The following ETFBKMT variants were observed in gnomAD, a reference collection of about 807,000 sequenced individuals.
The protein encoded by ETFBKMT is electron transfer flavoprotein subunit beta lysine methyltransferase, also known as electron transfer flavoprotein beta subunit lysine methyltransferase.
A neutral mutation model predicts 18.3 loss-of-function variants in ETFBKMT; 13 were observed. That is an observed-to-expected ratio of 0.71 (90% confidence interval 0.46 to 1.13). The LOEUF is 1.13. Ranked by LOEUF, ETFBKMT falls within the 50% of genes most tolerant of loss-of-function variation. The pLI, the probability that ETFBKMT is intolerant of heterozygous loss-of-function variation, is 0.00. For synonymous variants in ETFBKMT, 84 were observed against 107.9 expected (o/e 0.78, Z 1.37); for missense variants, 293 against 306.2 (o/e 0.96, Z 0.32).
chr12:31,653,204 G>A (rs1248367997), intron 1 of ETFBKMT, among the ~76,000 whole-genome samples: 36 of 122,128 alleles, frequency 2.9e-4, no homozygotes, highest in African/African-American at 1.0e-3. Context: ...GCGAGACTCC[G>A]TCTCAAAAAA....
upstream of ETFBKMT, among the ~76,000 whole-genome samples, chr12:31,658,926 C>CTTTTTTT: frequency 7.3e-6 from 1 of 137,288 alleles, no homozygotes; most frequent in Non-Finnish European, 1.6e-5. Context: ...TATACTGTGT[C>CTTTTTTT]TTTTTTTTTT....
In ETFBKMT at chr12:31,670,773, A is replaced by G. The variant is rs902096554; in HGVS notation, c.*2783A>G. On this transcript the variant is annotated 3_prime_UTR_variant, in exon 4 of 4. Transcript: ENST00000357721. ...CAATGAATATTTGAGTGCTTATTAT[A>G]TACCAGGCACTGTTCTAGGCACTGG... 6.6e-6 allele frequency: 1 copy of G among 152,102 alleles called. No individual in the cohort carries two copies. Among genetic ancestry groups the G allele is most frequent in the Admixed American group, 6.6e-5 (1 of 15,248 alleles). 9.4% of individuals were successfully genotyped at this position (152,102 alleles called of 1,614,324 possible). A position where few individuals can be genotyped will look rare whatever the true frequency, so the allele number is the denominator to read the frequency against.
chr12:31,648,493 C>A (rs1187741235), intron 1 of ETFBKMT, among the ~76,000 whole-genome samples: 1 of 150,204 alleles, frequency 6.7e-6, no homozygotes, highest in East Asian at 1.9e-4. Flanking sequence ...TCCTGAGTAG[C>A]CGGGATTATA....
upstream of ETFBKMT, among the ~76,000 whole-genome samples, chr12:31,658,419 T>C (rs566016102): frequency 6.6e-6 from 1 of 152,266 alleles, no homozygotes; most frequent in African/African-American, 2.4e-5. Context: ...ATGTAGCAAA[T>C]ACACCATTCA....
rs748565034 is a variant in ETFBKMT at position 31,667,777 on chromosome 12, T to C, written c.576T>C (p.Asp192=). 2 of 1,614,224 alleles carry C rather than the reference T, an allele frequency of 1.2e-6. No homozygotes were observed. The highest frequency in any genetic ancestry group is 1.7e-6 in the Non-Finnish European group (2 of 1,180,036). The change falls in exon 4 of 4, where the codon GAT becomes GAC. Residue 192 remains aspartate, a synonymous_variant. Coordinates refer to ENST00000357721, the MANE Select transcript of ETFBKMT (RefSeq NM_001135863.2). The part of the protein sequence containing the change: ...DLVVLGDMFY[D]EDLADSLHQW... ...TTGTTCTTGGCGATATGTTTTATGA[T>C]GAAGACCTTGCAGATAGTCTTCATC...
At chr12:31,648,360 G>GTT (rs35137084) in intron 1 of ETFBKMT, among the ~76,000 whole-genome samples, 20 of 117,848 alleles carry the variant, frequency 1.7e-4, no homozygotes, top group African/African-American at 5.1e-4. Flanking sequence ...GATGTAAATA[G>GTT]TTTTTTTTTT....
chr12:31,662,726 A>T (rs1951142494), intron 2 of ETFBKMT, among the ~76,000 whole-genome samples: 1 of 152,072 alleles, frequency 6.6e-6, no homozygotes, highest in South Asian at 2.1e-4. Context: ...CCCCAAGAGA[A>T]ATCCTAGAGT....
chr12:31,648,351 A>G (rs1950984331), intron 1 of ETFBKMT, among the ~76,000 whole-genome samples: 1 of 144,090 alleles, frequency 6.9e-6, no homozygotes, highest in East Asian at 2.0e-4. Flanking sequence ...GTTGAATATG[A>G]TGTAAATAGT....
intron 1 of ETFBKMT, among the ~76,000 whole-genome samples, chr12:31,650,093 T>C (rs550912699): frequency 2.1e-5 from 1 of 47,582 alleles, no homozygotes; most frequent in Non-Finnish European, 4.8e-5. Context: ...CCATCTCGAA[T>C]AGGGGCTGGT....
In ETFBKMT at chr12:31,670,598, C is replaced by G. The variant is rs1253401147; in HGVS notation, c.*2608C>G. The stretch of plus-strand genomic sequence containing the variant: ...CCTCCCACTTCAGCCTCCTTAGTAG[C>G]TAGGACTGTAGGCATGCACCACCAT... On this transcript the variant is annotated 3_prime_UTR_variant, in exon 4 of 4. Transcript: ENST00000357721. The G allele has an allele frequency of 6.6e-6, 1 of 152,168 alleles. No individual in the cohort carries two copies. The highest frequency in any genetic ancestry group is 1.5e-5 in the Non-Finnish European group (1 of 68,070). The allele number at this position is 152,168 out of a possible 1,614,324, so 9.4% of individuals were successfully genotyped here.
chr12:31,659,539 T>G (rs1227179504), upstream of ETFBKMT: 1 of 152,218 alleles, frequency 6.6e-6, no homozygotes, highest in Non-Finnish European at 1.5e-5. Flanking sequence ...TCATAACCCA[T>G]GCCTCATCGG....
At chr12:31,663,253 C>T (rs1416055432) in intron 2 of ETFBKMT, among the ~76,000 whole-genome samples, 6 of 152,152 alleles carry the variant, frequency 3.9e-5, no homozygotes, top group Middle Eastern at 3.4e-3. Flanking sequence ...CCACCATGCC[C>T]GGCTAATTTT....
intron 2 of ETFBKMT, among the ~76,000 whole-genome samples, chr12:31,665,163 C>G (rs1188434363): frequency 1.3e-5 from 2 of 152,124 alleles, no homozygotes; most frequent in Non-Finnish European, 2.9e-5. Context: ...TCTCGAACTC[C>G]TGACCTCAGG....
rs11551368 is a variant in ETFBKMT at position 31,672,186 on chromosome 12, G to C, written c.*4196G>C. ...TAATTCTCTGAGAGTTATAACTTAA[G>C]ACAATAAAATAATTAAAAATAGTGT... On this transcript the variant is annotated 3_prime_UTR_variant, in exon 4 of 4. Transcript: ENST00000357721. 0.12 allele frequency: 87,617 copies of C among 708,422 alleles called. 5,663 individuals are homozygous for C. The highest frequency in any genetic ancestry group is 0.13 in the Non-Finnish European group (53,498 of 413,404). 43.9% of individuals were successfully genotyped at this position (708,422 alleles called of 1,614,324 possible).
chr12:31,662,468 C>T (rs1467867868), intron 2 of ETFBKMT, among the ~76,000 whole-genome samples: 1 of 151,460 alleles, frequency 6.6e-6, no homozygotes, highest in South Asian at 2.1e-4. Flanking sequence ...CAGAAACCGG[C>T]AAAACTCAGT....
Position 31,669,289 on chromosome 12 carries a change from T to G in ETFBKMT, c.*1299T>G, listed in dbSNP as rs1467855497. The G allele has an allele frequency of 6.6e-6, 1 of 152,208 alleles. No individual in the cohort carries two copies. The highest frequency in any genetic ancestry group is 1.5e-5 in the Non-Finnish European group (1 of 68,036). The allele number at this position is 152,208 out of a possible 1,614,324, so 9.4% of individuals were successfully genotyped here. The stretch of plus-strand genomic sequence containing the variant: ...TTATACAGTAGCCTAACTGATGTGA[T>G]AAGGTATGGGAGAAGGTATGTTCTA... On this transcript the variant is annotated 3_prime_UTR_variant, in exon 4 of 4. Transcript: ENST00000357721.
upstream of ETFBKMT, among the ~76,000 whole-genome samples, chr12:31,656,006 A>C (rs925425357): frequency 2.6e-5 from 4 of 152,208 alleles, no homozygotes; most frequent in Admixed American, 1.3e-4. Context: ...AAATTTTTTA[A>C]ATGAGATACT....
chr12:31,662,066 G>A lies in ETFBKMT; in HGVS notation c.113G>A (p.Gly38Glu), dbSNP rs916911800. The change falls in exon 2 of 4, where the codon GGA (glycine) becomes GAA (glutamate). Residue 38 changes from glycine to glutamate, a missense_variant. Transcript: ENST00000357721. ...CCCTGTGGCCAGTGTCCCTGGAGAG[G>A]AGCTGGAAGCTTTTTGGACCCTGAG... is the stretch of plus-strand genomic sequence containing the variant. ...LFPCGQCPWR[G>E]AGSFLDPEIK... 6.2e-7 allele frequency: 1 copy of A among 1,614,240 alleles called. No homozygotes were observed. The highest frequency in any genetic ancestry group is 8.5e-7 in the Non-Finnish European group (1 of 1,180,042).
Position 31,672,394 on chromosome 12 carries a change from T to C in ETFBKMT, c.*4404T>C. 1 of 1,519,138 alleles carries C rather than the reference T, an allele frequency of 6.6e-7. No individual in the cohort carries two copies. The highest frequency in any genetic ancestry group is 9.0e-7 in the Non-Finnish European group (1 of 1,114,528). 94.1% of individuals were successfully genotyped at this position (1,519,138 alleles called of 1,614,324 possible). On this transcript the variant is annotated 3_prime_UTR_variant, in exon 4 of 4. Coordinates refer to ENST00000357721, the MANE Select transcript of ETFBKMT (RefSeq NM_001135863.2). ...GGGAATGATCTATAAAAGAAAACAA[T>C]GACAATATATTAATTGACAATAAAA...
Sources: allele counts gnomAD v4.1 joint callset (sites outside exome capture counted in the v4.1 genomes callset), GRCh38; gene constraint gnomAD v4.1.1; transcripts MANE v1.5; gene names NCBI Gene and HGNC (gene_info 2026-07-23, HGNC 2026-07-21).